The following CDK6 variants were observed in gnomAD, a reference collection of about 807,000 sequenced individuals.
The protein encoded by CDK6 is cyclin dependent kinase 6.
A neutral mutation model predicts 37.1 loss-of-function variants in CDK6; 6 were observed. That is an observed-to-expected ratio of 0.16 (90% CI 0.09 to 0.32). The LOEUF (loss-of-function observed/expected upper bound fraction) is 0.32, where lower values mean the gene tolerates loss of function less well. CDK6 is among the 10% of genes least tolerant of loss of function. The pLI is 1.00. For missense variants in CDK6, 224 were observed against 418.9 expected (o/e 0.53, Z 4.06); for synonymous variants, 160 against 161.3 (o/e 0.99, Z 0.06).
At chr7:92,643,539 G>A (rs1490421999) in intron 5 of CDK6, among the ~76,000 whole-genome samples, 2 of 152,220 alleles carry the variant, frequency 1.3e-5, no homozygotes, top group African/African-American at 4.8e-5. Context: ...TATGCTGGTG[G>A]AGAATAATAG....
intron 5 of CDK6, among the ~76,000 whole-genome samples, chr7:92,652,875 A>G (rs1340376345): frequency 1.3e-5 from 2 of 152,220 alleles, no homozygotes; most frequent in East Asian, 3.8e-4. Context: ...GTAAATGCCC[A>G]ATGGGTATTT....
intron 3 of CDK6, among the ~76,000 whole-genome samples, chr7:92,739,440 A>T (rs948572227): frequency 6.6e-6 from 1 of 152,140 alleles, no homozygotes; most frequent in Non-Finnish European, 1.5e-5. Context: ...CTTTACTCCC[A>T]CCAAAACCTG....
chr7:92,678,013 GC>G (rs1277499873), intron 4 of CDK6, among the ~76,000 whole-genome samples: 1 of 152,210 alleles, frequency 6.6e-6, no homozygotes, highest in African/African-American at 2.4e-5. Context: ...TTTAAGTCAT[GC>G]ATGAGCAGAA....
intron 5 of CDK6, among the ~76,000 whole-genome samples, chr7:92,663,567 G>T (rs570170580): frequency 6.6e-6 from 1 of 151,868 alleles, no homozygotes; most frequent in Non-Finnish European, 1.5e-5. Flanking sequence ...TGGGCGTGGC[G>T]GCATGTGCCT....
At chr7:92,637,155 T>C (rs1249382049) in intron 5 of CDK6, among the ~76,000 whole-genome samples, 1 of 152,206 alleles carries the variant, frequency 6.6e-6, no homozygotes, top group Non-Finnish European at 1.5e-5. Context: ...CTTAAGACTA[T>C]GTGGCCACAG....
chr7:92,656,106 G>A (rs982757948), intron 5 of CDK6, among the ~76,000 whole-genome samples: 2 of 152,088 alleles, frequency 1.3e-5, no homozygotes, highest in Non-Finnish European at 2.9e-5. Flanking sequence ...AGGGAGAGAG[G>A]GAAAGAGAAG....
chr7:92,770,319 CTTTTTTTTT>C (rs746741500), intron 3 of CDK6, among the ~76,000 whole-genome samples: 1 of 90,940 alleles, frequency 1.1e-5, no homozygotes, highest in Non-Finnish European at 2.3e-5. Context: ...TCTATGTATG[CTTTTTTTTT>C]TTTTTTTTTT....
chr7:92,720,585 C>T (rs376661671), intron 4 of CDK6, among the ~76,000 whole-genome samples: 32 of 152,234 alleles, frequency 2.1e-4, no homozygotes, highest in Admixed American at 7.2e-4. Flanking sequence ...AATGGGAAGA[C>T]AAGACTGCTC....
chr7:92,797,757 C>T (rs1800451498), intron 2 of CDK6, among the ~76,000 whole-genome samples: 1 of 152,212 alleles, frequency 6.6e-6, no homozygotes, highest in African/African-American at 2.4e-5. Context: ...CAGATGAGCA[C>T]TTTTGAAAAG....
At chr7:92,764,724 T>C (rs886838890) in intron 3 of CDK6, among the ~76,000 whole-genome samples, 3 of 152,244 alleles carry the variant, frequency 2.0e-5, no homozygotes, top group Admixed American at 6.5e-5. Context: ...GGCTTCATTA[T>C]ACAACTTTTT....
chr7:92,736,910 T>C (rs1190158375), intron 3 of CDK6, among the ~76,000 whole-genome samples: 2 of 152,314 alleles, frequency 1.3e-5, no homozygotes, highest in South Asian at 2.1e-4. Context: ...AAATGTGATA[T>C]ATTAATATTT....
intron 4 of CDK6, among the ~76,000 whole-genome samples, chr7:92,714,748 T>G (rs1436319076): frequency 2.6e-5 from 4 of 152,198 alleles, no homozygotes; most frequent in Admixed American, 2.6e-4. Context: ...TTCACATTCT[T>G]GATAGTAGCT....
At chr7:92,792,403 T>C (rs1420042819) in intron 2 of CDK6, among the ~76,000 whole-genome samples, 1 of 152,204 alleles carries the variant, frequency 6.6e-6, no homozygotes, top group Non-Finnish European at 1.5e-5. Context: ...TATTAGACCA[T>C]TTCCCTGTTC....
chr7:92,764,027 T>C (rs1411659641), intron 3 of CDK6, among the ~76,000 whole-genome samples: 2 of 152,092 alleles, frequency 1.3e-5, no homozygotes, highest in African/African-American at 2.4e-5. Flanking sequence ...AGATAGTTAC[T>C]CATTTTTGCA....
At chr7:92,709,268 T>C (rs556560473) in intron 4 of CDK6, among the ~76,000 whole-genome samples, 1 of 152,254 alleles carries the variant, frequency 6.6e-6, no homozygotes, top group African/African-American at 2.4e-5. Context: ...TTTAAAGCAC[T>C]CTGCTCAACA....
chr7:92,711,985 G>A (rs962596987), intron 4 of CDK6, among the ~76,000 whole-genome samples: 1 of 151,894 alleles, frequency 6.6e-6, no homozygotes, highest in African/African-American at 2.4e-5. Flanking sequence ...TCAGGAGATC[G>A]AGACCATCTT....
chr7:92,821,723 TTATA>T (rs941385999), intron 2 of CDK6, among the ~76,000 whole-genome samples: 1 of 151,346 alleles, frequency 6.6e-6, no homozygotes, highest in Non-Finnish European at 1.5e-5. Context: ...ATAAATTATG[TTATA>T]TATATAATTA....
At chr7:92,785,785 G>C (rs1436503817) in intron 2 of CDK6, among the ~76,000 whole-genome samples, 1 of 152,200 alleles carries the variant, frequency 6.6e-6, no homozygotes, top group African/African-American at 2.4e-5. Flanking sequence ...GAGATACCCT[G>C]CTGACAGGCA....
chr7:92,790,709 T>A (rs948071211), intron 2 of CDK6, among the ~76,000 whole-genome samples: 2 of 152,266 alleles, frequency 1.3e-5, no homozygotes, highest in African/African-American at 4.8e-5. Context: ...TACACATACA[T>A]CTTTCTGTCT....
Sources: gnomAD v4.1 joint callset for allele counts (sites outside exome capture counted in the v4.1 genomes callset) on GRCh38, gnomAD v4.1.1 for gene constraint, MANE v1.5 for transcripts, NCBI Gene and HGNC (gene_info 2026-07-23, HGNC 2026-07-21) for gene names.